The following MGLL variants were observed in gnomAD, a reference collection of about 807,000 sequenced individuals.
The protein encoded by MGLL is lysophospholipase homolog.
In MGLL, 7 loss-of-function variants were observed where a neutral mutation model predicts 29.1. The observed-to-expected ratio is 0.24, with a 90% CI of 0.14 to 0.45. The LOEUF is 0.45. MGLL is among the 20% of genes least tolerant of loss of function. MGLL has a pLI of 0.99. For synonymous variants in MGLL, 148 were observed against 168.3 expected, an observed-to-expected ratio of 0.88 and a Z score of 0.93; for missense variants, 356 against 413.6, an observed-to-expected ratio of 0.86 and a Z score of 1.21.
intron 3 of MGLL, among the ~76,000 whole-genome samples, chr3:127,734,852 T>C (rs1480968256): frequency 6.6e-6 from 1 of 152,216 alleles, no homozygotes; most frequent in African/African-American, 2.4e-5. Context: ...AGCCCCTGAC[T>C]GTGAGGAGGA....
chr3:127,716,752 C>T (rs567851067), intron 5 of MGLL, among the ~76,000 whole-genome samples: 1 of 152,370 alleles, frequency 6.6e-6, no homozygotes, highest in South Asian at 2.1e-4. Context: ...GTGGCTCCCA[C>T]AGGCTGACCT....
At chr3:127,783,667 T>C (rs2077167814) in intron 2 of MGLL, 1 of 152,298 alleles carries the variant, frequency 6.6e-6, no homozygotes, top group Non-Finnish European at 1.5e-5. Flanking sequence ...CCTTTTCCTT[T>C]TCCTGCCTTT....
chr3:127,813,778 C>T (rs2077705685), intron 2 of MGLL, among the ~76,000 whole-genome samples: 1 of 152,106 alleles, frequency 6.6e-6, no homozygotes. Flanking sequence ...TCTTCCTTTC[C>T]TAGAAAAGTG....
intron 2 of MGLL, among the ~76,000 whole-genome samples, chr3:127,808,818 C>T (rs752258714): frequency 2.3e-4 from 35 of 152,318 alleles, no homozygotes; most frequent in Non-Finnish European, 4.6e-4. Context: ...CTCATTCATG[C>T]TCCTCCATAT....
chr3:127,787,679 G>A (rs918944037), intron 2 of MGLL, among the ~76,000 whole-genome samples: 3 of 152,232 alleles, frequency 2.0e-5, no homozygotes, highest in South Asian at 2.1e-4. Flanking sequence ...GGGTGTCCTC[G>A]CTGGAGGGGT....
intron 2 of MGLL, among the ~76,000 whole-genome samples, chr3:127,795,655 T>TA (rs1484866482): frequency 1.3e-5 from 2 of 152,168 alleles, no homozygotes; most frequent in African/African-American, 4.8e-5. Flanking sequence ...AAGTAGTAAC[T>TA]AAAAAATTAC....
chr3:127,744,620 C>T (rs1366289750), intron 3 of MGLL, among the ~76,000 whole-genome samples: 1 of 152,184 alleles, frequency 6.6e-6, no homozygotes, highest in Non-Finnish European at 1.5e-5. Flanking sequence ...GCTTTTGCCA[C>T]TAGAAACTTC....
At chr3:127,787,523 C>T (rs529259630) in intron 2 of MGLL, among the ~76,000 whole-genome samples, 11 of 152,296 alleles carry the variant, frequency 7.2e-5, no homozygotes, top group East Asian at 5.8e-4. Flanking sequence ...AGGAACGTTC[C>T]GTTCATTTTC....
At chr3:127,695,308 C>G (rs1445839181) in intron 6 of MGLL, 118 bp from the exon 7 acceptor site, 2 of 1,064,250 alleles carry the variant, frequency 1.9e-6, no homozygotes, top group Non-Finnish European at 2.8e-6. Flanking sequence ...CCATTCAGGT[C>G]AGCTGGGCTT....
At chr3:127,736,278 A>G (rs1019748302) in intron 3 of MGLL, 5 of 985,618 alleles carry the variant, frequency 5.1e-6, no homozygotes, top group Middle Eastern at 5.1e-4. Context: ...AGGATGTGAG[A>G]TACTATATTT....
chr3:127,694,269 G>GGAAAA (rs1369919359), intron 7 of MGLL, among the ~76,000 whole-genome samples: 7 of 67,626 alleles, frequency 1.0e-4, no homozygotes, highest in African/African-American at 4.1e-4. Flanking sequence ...TACTCTGTCT[G>GGAAAA]AAAAAAAAAA....
At chr3:127,737,058 G>A (rs2076254657) in intron 3 of MGLL, among the ~76,000 whole-genome samples, 1 of 152,160 alleles carries the variant, frequency 6.6e-6, no homozygotes, top group African/African-American at 2.4e-5. Flanking sequence ...GTTGGAAGAT[G>A]AGGAGGCTAA....
chr3:127,774,026 T>A (rs1264013121), intron 3 of MGLL, among the ~76,000 whole-genome samples: 1 of 152,122 alleles, frequency 6.6e-6, no homozygotes, highest in Non-Finnish European at 1.5e-5. Flanking sequence ...ATCACACACA[T>A]CACAGTATAC....
chr3:127,744,833 T>A (rs2076411924), intron 3 of MGLL, among the ~76,000 whole-genome samples: 1 of 151,610 alleles, frequency 6.6e-6, no homozygotes, highest in Non-Finnish European at 1.5e-5. Context: ...GTCAAAGGAG[T>A]CGGAAACAAT....
At position 127,700,466 on chromosome 3, in the gene MGLL, C is replaced by T. The variant is rs573173725; in HGVS notation, c.601-5276G>A. Among the ~76,000 whole-genome samples, 4 of 152,220 alleles carry T rather than the reference C, an allele frequency of 2.6e-5. No homozygotes were observed. The South Asian group carries it at 8.3e-4, about 31-fold the overall frequency. On this transcript the variant is annotated intron_variant, in intron 6 of 7. Coordinates refer to ENST00000265052, the MANE Select transcript of MGLL (RefSeq NM_007283.7). Reference sequence around the variant, plus strand: ...GACTCTGCTGCCCCAAAACCCTTCTCCCATGCCTCACTTGGCCTGGTCTGC... The same window carrying T: ...GACTCTGCTGCCCCAAAACCCTTCTTCCATGCCTCACTTGGCCTGGTCTGC...
In MGLL at chr3:127,692,123, C is replaced by CAT; in HGVS notation, c.*73_*74dup. 2.1e-6 allele frequency: 2 copies of CAT among 954,114 alleles called. No homozygotes were observed. The highest frequency in any genetic ancestry group is 3.1e-6 in the Non-Finnish European group (2 of 643,260). 59.1% of individuals were successfully genotyped at this position (954,114 alleles called of 1,614,324 possible). A position where few individuals can be genotyped will look rare whatever the true frequency, so the allele number is the denominator to read the frequency against. The stretch of plus-strand genomic sequence containing the variant: ...TTTTTTTTTTTTTTTTTTGGCAAGC[C>CAT]ATATCTGAGAAGCCATCTCTGCCCT... On this transcript the variant is annotated 3_prime_UTR_variant, in exon 8 of 8. Transcript: ENST00000265052.
chr3:127,796,567 C>A (rs1309137175), intron 2 of MGLL, among the ~76,000 whole-genome samples: 1 of 152,170 alleles, frequency 6.6e-6, no homozygotes, highest in Non-Finnish European at 1.5e-5. Context: ...AGTGGTAGGG[C>A]AGAATTTCAT....
At chr3:127,726,190 A>AAAAG (rs57101517) in intron 3 of MGLL, among the ~76,000 whole-genome samples, 9,074 of 72,874 alleles carry the variant, frequency 0.12, 432 homozygotes, top group Middle Eastern at 0.25. Context: ...GAAAGAAAAG[A>AAAAG]AAAGAAAGAA....
chr3:127,774,022 C>T (rs2076992366), intron 3 of MGLL, among the ~76,000 whole-genome samples: 1 of 152,228 alleles, frequency 6.6e-6, no homozygotes, highest in Admixed American at 6.5e-5. Context: ...AGAAATCACA[C>T]ACATCACAGT....
Sources: gnomAD v4.1 joint callset for allele counts (sites outside exome capture counted in the v4.1 genomes callset) on GRCh38, gnomAD v4.1.1 for gene constraint, MANE v1.5 for transcripts, NCBI Gene and HGNC (gene_info 2026-07-23, HGNC 2026-07-21) for gene names.